Variants in PROC observed in about 807,000 individuals in gnomAD.
PROC encodes the protein protein C, inactivator of coagulation factors Va and VIIIa, also known as vitamin K-dependent protein C.
Under a neutral mutation model 36.3 loss-of-function variants are expected in PROC, and 22 were observed. The ratio of observed to expected loss-of-function variants is 0.61; its 90% CI spans 0.43 to 0.86. The LOEUF is 0.86. Among genes scored for constraint, PROC ranks in the 40% least tolerant of loss-of-function variants. The pLI is 0.00. For missense variants in PROC, 526 were observed against 629.7 expected (o/e 0.84, Z 1.76); for synonymous variants, 218 against 244.5 (o/e 0.89, Z 1.01).
chr2:127,420,670 C>T (rs956683091), intron 2 of PROC, among the ~76,000 whole-genome samples: 3 of 152,098 alleles, frequency 2.0e-5, no homozygotes, highest in African/African-American at 4.8e-5. Flanking sequence ...CTAACTGTGC[C>T]CTGCACCCAA....
intron 6 of PROC, among the ~76,000 whole-genome samples, chr2:127,424,840 G>T (rs1174022018): frequency 1.3e-5 from 2 of 152,224 alleles, no homozygotes; most frequent in Non-Finnish European, 2.9e-5. Context: ...GATCGTGAGG[G>T]CTTTCCTTTT....
intron 1 of PROC, among the ~76,000 whole-genome samples, chr2:127,419,047 G>C (rs1179952149): frequency 6.6e-6 from 1 of 152,180 alleles, no homozygotes; most frequent in South Asian, 2.1e-4. Context: ...TGTAAACATG[G>C]AGACCCAGGA....
intron 2 of PROC, 25 bp downstream of exon 2, chr2:127,420,037 G>A (rs755406053): frequency 1.9e-5 from 30 of 1,611,828 alleles, no homozygotes; most frequent in Middle Eastern, 4.0e-4. Context: ...CCCCTACCCC[G>A]GGACCCTTGT....
At chr2:127,421,076 C>T (rs952231315) in intron 2 of PROC, among the ~76,000 whole-genome samples, 1 of 152,180 alleles carries the variant, frequency 6.6e-6, no homozygotes, top group Non-Finnish European at 1.5e-5. Context: ...AGCAAGGCTT[C>T]GTCCTCCAAC....
chr2:127,428,177 C>T (rs923185700), intron 8 of PROC, among the ~76,000 whole-genome samples, 180 bp from the exon 9 acceptor site: 10 of 152,258 alleles, frequency 6.6e-5, no homozygotes, highest in South Asian at 2.1e-4. Context: ...TAGGGTTCCA[C>T]GGCATAGACA....
At chr2:127,427,255 CA>C in intron 8 of PROC, 33 bp downstream of exon 8, 1 of 1,588,460 alleles carries the variant, frequency 6.3e-7, no homozygotes, top group Non-Finnish European at 8.6e-7. Context: ...AGGGGGCTGC[CA>C]GAGGCCTGGG....
In PROC at chr2:127,423,249, T is replaced by C. The variant is rs1488602322; in HGVS notation, c.401-25T>C. 5 of 1,536,684 alleles carry C rather than the reference T, an allele frequency of 3.3e-6. No individual in the cohort carries two copies. The Admixed American group carries it at 1.0e-4, about 31-fold the overall frequency. On this transcript the variant is annotated intron_variant, in intron 5 of 8. Coordinates refer to ENST00000234071, the MANE Select transcript of PROC (RefSeq NM_000312.4). ...TTGGGGGCGCGGCACCAGCACCAGC[T>C]GCCCGCGCCCTCCCCTGCCCGCAGA...
intron 3 of PROC, 94 bp downstream of exon 3, chr2:127,421,543 C>T (rs1370875506): frequency 2.7e-6 from 4 of 1,463,378 alleles, no homozygotes; most frequent in Non-Finnish European, 3.8e-6. Flanking sequence ...ATGCTGAGGC[C>T]CTCTTAGGAG....
At chr2:127,423,942 T>C (rs971207) in intron 6 of PROC, among the ~76,000 whole-genome samples, 106,935 of 152,160 alleles carry the variant, frequency 0.7, 37,793 homozygotes, top group Admixed American at 0.76. Flanking sequence ...TTTTACAACT[T>C]TTACATTTCA....
In PROC at chr2:127,418,683, C is replaced by G. The variant is rs977669607; in HGVS notation, c.-22+191C>G. 6.6e-6 allele frequency among the ~76,000 whole-genome samples: 1 copy of G among 152,206 alleles called. No individual in the cohort carries two copies. Reference sequence around the variant, plus strand: ...CACAGTCTCAGGTCCCTTTGCCATGCGCCTCCCTCTTTCCAGGCCAAGGGT... The same window carrying G: ...CACAGTCTCAGGTCCCTTTGCCATGGGCCTCCCTCTTTCCAGGCCAAGGGT... On this transcript the variant is annotated intron_variant, in intron 1 of 8. Coordinates refer to ENST00000234071, the MANE Select transcript of PROC (RefSeq NM_000312.4). The surrounding 1 kb of genome is among the most constrained non-coding windows in gnomAD (Gnocchi z 4.8).
chr2:127,425,986 C>T lies in PROC; in HGVS notation c.536-99C>T, dbSNP rs2104969137. 2.7e-6 allele frequency: 4 copies of T among 1,462,158 alleles called. No individual in the cohort carries two copies. In the East Asian group the frequency reaches 6.9e-5, roughly 25 times the overall value. 90.6% of individuals were successfully genotyped at this position (1,462,158 alleles called of 1,614,324 possible). ...TATCATTGGTTCCTTGAACCCTGCA[C>T]TGTGGCAAAGTGGCCCACAGGCTGG... is the stretch of plus-strand genomic sequence containing the variant. On this transcript the variant is annotated intron_variant, in intron 6 of 8. Coordinates refer to ENST00000234071, the MANE Select transcript of PROC (RefSeq NM_000312.4).
At chr2:127,422,795 G>C (rs1044076219) in intron 3 of PROC, 122 bp from the exon 4 acceptor site, 1 of 1,368,254 alleles carries the variant, frequency 7.3e-7, no homozygotes, top group African/African-American at 1.4e-5. Context: ...ATCGGGCGTC[G>C]ATCCCTGTTT....
chr2:127,428,809 G>A lies in PROC; in HGVS notation c.1249G>A (p.Val417Met). Residue 417 changes from valine to methionine, a missense_variant, in exon 9 of 9, where the codon GTG becomes ATG. By Grantham distance (21) the Val-to-Met change is conservative (BLOSUM62 1). Transcript: ENST00000234071. ...CTCCTTCCACGGCACCTGGTTCCTG[G>A]TGGGCCTGGTGAGCTGGGGTGAGGG... ...VASFHGTWFL[V>M]GLVSWGEGCG... The A allele has an allele frequency of 3.1e-5, 50 of 1,612,210 alleles. No individual in the cohort carries two copies. The highest frequency in any genetic ancestry group is 4.2e-5 in the Non-Finnish European group (50 of 1,178,966).
At position 127,424,489 on chromosome 2, in the gene PROC, G is replaced by A. The variant is rs184634950; in HGVS notation, c.535+1081G>A. Among the ~76,000 whole-genome samples, 45 of 152,172 alleles carry A rather than the reference G, an allele frequency of 3.0e-4. No homozygotes were observed. The East Asian group carries it at 7.8e-3, about 26-fold the overall frequency. On this transcript the variant is annotated intron_variant, in intron 6 of 8. Transcript: ENST00000234071. ...GCTGGGATTACAGGCGTGAGCCACCGCGCCCAGCCTCTTTCAGGGAACTTT... is the reference window on the plus strand; with the variant it reads ...GCTGGGATTACAGGCGTGAGCCACCACGCCCAGCCTCTTTCAGGGAACTTT...
At position 127,427,247 on chromosome 2, in the gene PROC, G is replaced by T. The variant is rs369610760; in HGVS notation, c.796+25G>T. On this transcript the variant is annotated intron_variant, in intron 8 of 8. Coordinates refer to ENST00000234071, the MANE Select transcript of PROC (RefSeq NM_000312.4). ...GGTATGGGCTGGAGCCAGGCAGAAG[G>T]GGGCTGCCAGAGGCCTGGGTAGGGG... The T allele has an allele frequency of 2.5e-5, 40 of 1,599,866 alleles. No homozygotes were observed. In the African/African-American group the frequency reaches 4.9e-4, roughly 20 times the overall value.
intron 6 of PROC, among the ~76,000 whole-genome samples, chr2:127,423,827 G>T (rs1369871196): frequency 6.6e-6 from 1 of 152,204 alleles, no homozygotes; most frequent in Non-Finnish European, 1.5e-5. Context: ...TTACCCCCTT[G>T]CTTCCTTGAG....
intron 6 of PROC, among the ~76,000 whole-genome samples, chr2:127,423,824 C>T (rs1408082850): frequency 6.6e-6 from 1 of 152,262 alleles, no homozygotes; most frequent in Non-Finnish European, 1.5e-5. Context: ...TCTTTACCCC[C>T]TTGCTTCCTT....
intron 8 of PROC, among the ~76,000 whole-genome samples, chr2:127,427,765 G>A (rs949298866): frequency 3.3e-5 from 5 of 152,254 alleles, no homozygotes; most frequent in Non-Finnish European, 7.3e-5. Flanking sequence ...AGCATATTGA[G>A]AAAGGCCAAA....
At position 127,418,647 on chromosome 2, in the gene PROC, G is replaced by C. The variant is rs74392719; in HGVS notation, c.-22+155G>C. ...AGGACACAAGGCCCTCCACAGGCCA[G>C]GCCTGGCAGCCACAGTCTCAGGTCC... On this transcript the variant is annotated intron_variant, in intron 1 of 8. Coordinates refer to ENST00000234071, the MANE Select transcript of PROC (RefSeq NM_000312.4). This position sits in a 1 kb window ranked among gnomAD's most constrained non-coding sequence, Gnocchi z 4.8. Among the ~76,000 whole-genome samples the C allele has an allele frequency of 7.0e-3, 1,069 of 152,348 alleles. 10 individuals are homozygous for C. Among genetic ancestry groups the C allele is most frequent in the Admixed American group, 0.011 (164 of 15,312 alleles).
Sources: allele counts gnomAD v4.1 joint callset (sites outside exome capture counted in the v4.1 genomes callset), GRCh38; gene constraint gnomAD v4.1.1; non-coding constraint Gnocchi (gnomAD v3.1); transcripts MANE v1.5; gene names NCBI Gene and HGNC (gene_info 2026-07-23, HGNC 2026-07-21).